Variants in APP observed in about 807,000 individuals in gnomAD.
The protein encoded by APP is amyloid-beta precursor protein.
A neutral mutation model predicts 101.4 loss-of-function variants in APP; 31 were observed. The ratio of observed to expected loss-of-function variants is 0.31; its 90% CI spans 0.23 to 0.41. The LOEUF is 0.41. Among genes scored for constraint, APP ranks in the 10% least tolerant of loss-of-function variants. APP has a pLI of 1.00. For missense variants in APP, 839 were observed against 1,003.7 expected (o/e 0.84, Z 2.22); for synonymous variants, 366 against 364.4 (o/e 1.00, Z -0.05).
intron 3 of APP, among the ~76,000 whole-genome samples, chr21:26,082,900 G>A (rs2061625363): frequency 6.6e-6 from 1 of 152,090 alleles, no homozygotes; most frequent in Non-Finnish European, 1.5e-5. Flanking sequence ...TTATTTCTCT[G>A]AGAATATTCA....
At chr21:26,011,618 C>A (rs1894975935) in intron 6 of APP, among the ~76,000 whole-genome samples, 1 of 151,946 alleles carries the variant, frequency 6.6e-6, no homozygotes, top group African/African-American at 2.4e-5. Context: ...GTCCAGAAAC[C>A]CTGCCATAGC....
intron 1 of APP, among the ~76,000 whole-genome samples, chr21:26,134,609 T>C (rs2062858584): frequency 1.3e-5 from 2 of 152,212 alleles, no homozygotes; most frequent in African/African-American, 2.4e-5. Context: ...TGTTCAGCTA[T>C]CTGGAAGTTC....
intron 1 of APP, among the ~76,000 whole-genome samples, chr21:26,151,613 A>G (rs1264295785): frequency 6.6e-6 from 1 of 152,114 alleles, no homozygotes; most frequent in East Asian, 1.9e-4. Context: ...TGGTTTCGGG[A>G]TGAAACTGCT....
At chr21:25,940,862 T>A (rs997761180) in intron 13 of APP, among the ~76,000 whole-genome samples, 1 of 152,156 alleles carries the variant, frequency 6.6e-6, no homozygotes, top group Non-Finnish European at 1.5e-5. Flanking sequence ...CTCAGCCCCA[T>A]CCCTAGCTTT....
chr21:26,096,069 T>G (rs1230349951), intron 2 of APP, among the ~76,000 whole-genome samples: 1 of 152,212 alleles, frequency 6.6e-6, no homozygotes, highest in Admixed American at 6.5e-5. Flanking sequence ...ATTTGCTGTA[T>G]AAATACGTAC....
chr21:26,045,671 T>C (rs763004868), intron 5 of APP, among the ~76,000 whole-genome samples: 53 of 151,992 alleles, frequency 3.5e-4, no homozygotes, highest in South Asian at 1.0e-3. Context: ...GGTTTTCTGG[T>C]GTAGTTAGAG....
At chr21:25,936,812 A>G (rs779374203) in intron 13 of APP, among the ~76,000 whole-genome samples, 3 of 152,200 alleles carry the variant, frequency 2.0e-5, no homozygotes, top group Non-Finnish European at 4.4e-5. Context: ...CACTCAGACA[A>G]AAGAAAGAGC....
intron 13 of APP, among the ~76,000 whole-genome samples, chr21:25,940,205 C>T (rs978783860): frequency 1.3e-5 from 2 of 152,114 alleles, no homozygotes; most frequent in Admixed American, 6.5e-5. Flanking sequence ...GAGTCTGTTG[C>T]ACATCATTTA....
chr21:26,170,383 CT>C (rs2063719239), intron 1 of APP, among the ~76,000 whole-genome samples, 180 bp downstream of exon 1: 1 of 152,180 alleles, frequency 6.6e-6, no homozygotes, highest in African/African-American at 2.4e-5. Context: ...GCGCGACTCC[CT>C]GGGGCAGGGC....
intron 3 of APP, among the ~76,000 whole-genome samples, chr21:26,067,749 T>C (rs1219270696): frequency 6.6e-6 from 1 of 152,186 alleles, no homozygotes; most frequent in Non-Finnish European, 1.5e-5. Context: ...AAGGTTTCCT[T>C]TAGACTTGAA....
intron 16 of APP, among the ~76,000 whole-genome samples, chr21:25,894,404 T>C (rs576970479): frequency 6.6e-6 from 1 of 152,252 alleles, no homozygotes; most frequent in South Asian, 2.1e-4. Flanking sequence ...CTGCAAACCT[T>C]CTAAAAAGGA....
chr21:26,019,519 C>G (rs1163403032), intron 6 of APP, among the ~76,000 whole-genome samples: 2 of 151,974 alleles, frequency 1.3e-5, no homozygotes, highest in Non-Finnish European at 2.9e-5. Flanking sequence ...ACACAGATGG[C>G]TTTGTACTTC....
intron 1 of APP, among the ~76,000 whole-genome samples, chr21:26,159,724 TTCTCA>T (rs746061716): frequency 6.6e-6 from 1 of 152,200 alleles, no homozygotes; most frequent in Non-Finnish European, 1.5e-5. Context: ...TAATATTTTT[TTCTCA>T]TCTCATCGGC....
Position 25,911,901 on chromosome 21 carries a change from T to C in APP, c.1749A>G (p.Glu583=). 6.2e-7 allele frequency: 1 copy of C among 1,614,204 alleles called. No individual in the cohort carries two copies. Among genetic ancestry groups the C allele is most frequent in the Non-Finnish European group, 8.5e-7 (1 of 1,180,038 alleles). ...SDDVLANMIS[E]PRISYGNDAL... is the part of the protein sequence containing the mutation. ...CATCGTTTCCGTAACTGATCCTTGGTTCACTAATCATGTTGGCCAAGACGT... is the reference window on the plus strand; with the variant it reads ...CATCGTTTCCGTAACTGATCCTTGGCTCACTAATCATGTTGGCCAAGACGT... The change falls in exon 14 of 18, where the codon GAA becomes GAG. Residue 583 remains glutamate, a synonymous_variant. Coordinates refer to ENST00000346798, the MANE Select transcript of APP (RefSeq NM_000484.4).
intron 1 of APP, among the ~76,000 whole-genome samples, chr21:26,139,422 G>A (rs750085051): frequency 1.3e-5 from 2 of 152,108 alleles, no homozygotes; most frequent in Non-Finnish European, 2.9e-5. Flanking sequence ...TTACATTAGT[G>A]GTTCTCCAAT....
chr21:25,918,490 G>A (rs1304546283), intron 13 of APP, among the ~76,000 whole-genome samples: 2 of 152,070 alleles, frequency 1.3e-5, no homozygotes, highest in African/African-American at 4.8e-5. Context: ...TCACTAGGGA[G>A]TGCCAGACAG....
At chr21:25,937,507 C>A (rs115614867) in intron 13 of APP, among the ~76,000 whole-genome samples, 134 of 152,266 alleles carry the variant, frequency 8.8e-4, no homozygotes, top group African/African-American at 3.1e-3. Context: ...CAACTCCAGG[C>A]ACATTTTGTC....
At chr21:26,136,129 T>A (rs2062894599) in intron 1 of APP, among the ~76,000 whole-genome samples, 3 of 58,058 alleles carry the variant, frequency 5.2e-5, no homozygotes, top group Non-Finnish European at 5.4e-5. Flanking sequence ...AGACTCTGTC[T>A]CAAAAAAGAA....
At chr21:25,886,126 A>T (rs542884808) in intron 17 of APP, among the ~76,000 whole-genome samples, 1 of 152,290 alleles carries the variant, frequency 6.6e-6, no homozygotes, top group South Asian at 2.1e-4. Context: ...ACTAAGGCGA[A>T]CAATACAACA....
Sources: gnomAD v4.1 joint callset for allele counts (sites outside exome capture counted in the v4.1 genomes callset) on GRCh38, gnomAD v4.1.1 for gene constraint, MANE v1.5 for transcripts, NCBI Gene and HGNC (gene_info 2026-07-23, HGNC 2026-07-21) for gene names.